Variants in DPYD observed in about 807,000 individuals in gnomAD.
DPYD encodes dihydropyrimidine dehydrogenase [NADP(+)].
In DPYD, 109 loss-of-function variants were observed where a neutral mutation model predicts 116.2. The observed-to-expected ratio is 0.94, with a 90% CI of 0.80 to 1.10. DPYD has a LOEUF of 1.10. Ranked by LOEUF, DPYD falls within the 50% of genes least tolerant of loss-of-function variation. DPYD has a pLI of 0.00. For missense variants in DPYD, 1,302 were observed against 1,254.5 expected (o/e 1.04, Z -0.57); for synonymous variants, 440 against 432.0 (o/e 1.02, Z -0.23).
rs1656765502 is a variant in DPYD at position 97,172,130 on chromosome 1, GC to G, written c.2622+20938del. Among the ~76,000 whole-genome samples, 6 of 152,218 alleles carry G rather than the reference GC, an allele frequency of 3.9e-5. 1 individual carries two copies. In the South Asian group the frequency reaches 1.0e-3, roughly 26 times the overall value. ...TTTTCCATCCCACAGAATTTGAACC[GC>G]CCTCATTGTCACAACTGTAGGCATC... is the stretch of plus-strand genomic sequence containing the variant. On this transcript the variant is annotated intron_variant, in intron 20 of 22. Transcript: ENST00000370192.
chr1:97,745,302 T>G (rs1664489512), intron 3 of DPYD, among the ~76,000 whole-genome samples: 1 of 152,136 alleles, frequency 6.6e-6, no homozygotes, highest in South Asian at 2.1e-4. Flanking sequence ...ACCTGTGATG[T>G]TCATGTTTTG....
intron 12 of DPYD, among the ~76,000 whole-genome samples, chr1:97,540,554 C>T (rs1247806256): frequency 1.3e-5 from 2 of 152,070 alleles, no homozygotes; most frequent in East Asian, 1.9e-4. Flanking sequence ...CACACGGAAG[C>T]GTTCTAGTTT....
At chr1:97,762,818 G>C (rs1272596329) in intron 3 of DPYD, among the ~76,000 whole-genome samples, 1 of 152,050 alleles carries the variant, frequency 6.6e-6, no homozygotes, top group African/African-American at 2.4e-5. Flanking sequence ...TCCCGAAATA[G>C]GGTAGTAGAA....
At chr1:97,229,032 C>T (rs1661390059) in intron 19 of DPYD, among the ~76,000 whole-genome samples, 1 of 151,618 alleles carries the variant, frequency 6.6e-6, no homozygotes, top group African/African-American at 2.4e-5. Context: ...CCTGTCTCTA[C>T]TAAAAATACA....
chr1:97,775,177 T>C (rs1666331424), intron 3 of DPYD, among the ~76,000 whole-genome samples: 1 of 152,214 alleles, frequency 6.6e-6, no homozygotes. Context: ...CAGGTTTTTT[T>C]CCTAATAGGT....
At chr1:97,551,537 A>T (rs184400018) in intron 11 of DPYD, among the ~76,000 whole-genome samples, 7 of 152,160 alleles carry the variant, frequency 4.6e-5, no homozygotes, top group Admixed American at 4.6e-4. Flanking sequence ...CCTACAACAG[A>T]TCTGAAATAA....
chr1:97,525,363 CA>C (rs1157219941), intron 12 of DPYD, among the ~76,000 whole-genome samples: 6 of 151,522 alleles, frequency 4.0e-5, no homozygotes, highest in Non-Finnish European at 7.4e-5. Flanking sequence ...CTGATGAAAA[CA>C]GAAAAGAAAG....
At chr1:97,913,418 C>A (rs1267573887) in intron 1 of DPYD, among the ~76,000 whole-genome samples, 4 of 152,100 alleles carry the variant, frequency 2.6e-5, no homozygotes, top group Non-Finnish European at 1.5e-5. Context: ...CCTTAAAAGA[C>A]TGATCAACAG....
intron 2 of DPYD, among the ~76,000 whole-genome samples, chr1:97,861,568 A>G (rs1342169172): frequency 6.6e-6 from 1 of 151,994 alleles, no homozygotes; most frequent in East Asian, 1.9e-4. Context: ...TTCAATATCA[A>G]TAATAAAAAG....
intron 1 of DPYD, among the ~76,000 whole-genome samples, chr1:97,916,844 A>C (rs1674241007): frequency 1.3e-5 from 2 of 152,136 alleles, no homozygotes; most frequent in African/African-American, 4.8e-5. Flanking sequence ...CCCCATCTCT[A>C]TTTTAAAAAA....
At chr1:97,884,424 A>AGTGTATTTCAGTAGCT (rs1553255461) in intron 1 of DPYD, among the ~76,000 whole-genome samples, 1 of 152,056 alleles carries the variant, frequency 6.6e-6, no homozygotes, top group African/African-American at 2.4e-5. Flanking sequence ...GGAGAGACAC[A>AGTGTATTTCAGTAGCT]GTGTATTTCA....
chr1:97,371,452 C>A (rs1291427913), intron 16 of DPYD, among the ~76,000 whole-genome samples: 1 of 152,072 alleles, frequency 6.6e-6, no homozygotes, highest in African/African-American at 2.4e-5. Context: ...ATTCTGCACC[C>A]CACCAATTGG....
At chr1:97,601,707 T>C (rs1180134556) in intron 8 of DPYD, among the ~76,000 whole-genome samples, 1 of 152,020 alleles carries the variant, frequency 6.6e-6, no homozygotes, top group Non-Finnish European at 1.5e-5. Context: ...GATCTATATA[T>C]TGATGAGAAA....
chr1:97,764,699 AC>A (rs1196892149), intron 3 of DPYD, among the ~76,000 whole-genome samples: 1 of 152,098 alleles, frequency 6.6e-6, no homozygotes, highest in East Asian at 1.9e-4. Flanking sequence ...CTTTAACAAT[AC>A]TTTATTATGA....
chr1:97,402,365 C>T lies in DPYD; in HGVS notation c.1906-19904G>A, dbSNP rs116843112. On this transcript the variant is annotated intron_variant, in intron 14 of 22. Coordinates refer to ENST00000370192, the MANE Select transcript of DPYD (RefSeq NM_000110.4). ...TTGATAGACTTACACCTAAGTATTT[C>T]ATTTGTTTTGATTCTAATGTAAATA... Among the ~76,000 whole-genome samples the T allele has an allele frequency of 2.5e-4, 38 of 152,206 alleles. No homozygotes were observed. In the East Asian group the frequency reaches 6.8e-3, roughly 27 times the overall value.
At chr1:97,469,217 T>A (rs1297915664) in intron 13 of DPYD, among the ~76,000 whole-genome samples, 2 of 151,638 alleles carry the variant, frequency 1.3e-5, no homozygotes, top group Non-Finnish European at 1.5e-5. Flanking sequence ...ATTTTCAAAT[T>A]TAGGTGAGGG....
intron 16 of DPYD, among the ~76,000 whole-genome samples, chr1:97,323,448 A>G (rs1020809460): frequency 4.0e-5 from 4 of 100,100 alleles, no homozygotes; most frequent in South Asian, 3.7e-4. Context: ...GTACACGTAT[A>G]TACATATCAT....
At chr1:97,908,768 T>C (rs1252173550) in intron 1 of DPYD, among the ~76,000 whole-genome samples, 1 of 152,058 alleles carries the variant, frequency 6.6e-6, no homozygotes, top group African/African-American at 2.4e-5. Flanking sequence ...AAACCATCAA[T>C]CCATGGAGCG....
At chr1:97,577,593 T>C (rs957426414) in intron 10 of DPYD, among the ~76,000 whole-genome samples, 2 of 152,170 alleles carry the variant, frequency 1.3e-5, no homozygotes, top group Non-Finnish European at 2.9e-5. Context: ...CTGTGCATTA[T>C]GTGTACCCCT....
Sources: gnomAD v4.1 joint callset for allele counts (sites outside exome capture counted in the v4.1 genomes callset) on GRCh38, gnomAD v4.1.1 for gene constraint, MANE v1.5 for transcripts, NCBI Gene and HGNC (gene_info 2026-07-23, HGNC 2026-07-21) for gene names.